Variants in RAB8B observed in about 807,000 individuals in gnomAD.
The protein encoded by RAB8B is RAB8B, member RAS oncogene family.
RAB8B carries 11 observed loss-of-function variants against 32.0 expected under a neutral mutation model. The observed-to-expected ratio is 0.34, with a 90% CI of 0.22 to 0.57. The LOEUF is 0.57. Ranked by LOEUF, RAB8B falls within the 20% of genes least tolerant of loss-of-function variation. The pLI is 0.86. For missense variants in RAB8B, 190 were observed against 258.5 expected (o/e 0.73, Z 1.82); for synonymous variants, 103 against 89.6 (o/e 1.15, Z -0.85).
rs759281817 is a variant in RAB8B at position 63,189,606 on chromosome 15, A to G, written c.-19A>G. The stretch of plus-strand genomic sequence containing the variant: ...CACCGCCTCCTCTGGCTCCCCGGTC[A>G]GAGGGCCGGAGCGAGAAGATGGCGA... On this transcript the variant is annotated 5_prime_UTR_variant, in exon 1 of 8. Coordinates refer to ENST00000321437, the MANE Select transcript of RAB8B (RefSeq NM_016530.3). 2.5e-6 allele frequency: 4 copies of G among 1,611,240 alleles called. No individual in the cohort carries two copies. Among genetic ancestry groups the G allele is most frequent in the East Asian group, 2.2e-5 (1 of 44,670 alleles).
At chr15:63,239,731 A>G (rs1463614903) in intron 1 of RAB8B, among the ~76,000 whole-genome samples, 1 of 152,210 alleles carries the variant, frequency 6.6e-6, no homozygotes, top group Non-Finnish European at 1.5e-5. Flanking sequence ...TTTTAAAGCC[A>G]TCTTTACCCT....
chr15:63,239,484 C>T (rs995271523), intron 1 of RAB8B, among the ~76,000 whole-genome samples: 11 of 148,358 alleles, frequency 7.4e-5, no homozygotes, highest in African/African-American at 7.5e-5. Flanking sequence ...GCAATCTCGG[C>T]TCACTGCAAC....
At chr15:63,204,659 A>C (rs889003396) in intron 1 of RAB8B, among the ~76,000 whole-genome samples, 1 of 152,206 alleles carries the variant, frequency 6.6e-6, no homozygotes, top group African/African-American at 2.4e-5. Context: ...AAATTACCCA[A>C]CTTGAAAGTT....
chr15:63,209,221 C>T (rs572807181), intron 1 of RAB8B, among the ~76,000 whole-genome samples: 99 of 151,742 alleles, frequency 6.5e-4, no homozygotes, highest in Middle Eastern at 6.8e-3. Context: ...TTTGCGTTGC[C>T]GAATACCATA....
At chr15:63,250,651 AAGCTGCCTTACTTCCATG>A (rs527633582) in intron 3 of RAB8B, among the ~76,000 whole-genome samples, 6 of 151,960 alleles carry the variant, frequency 3.9e-5, no homozygotes, top group Admixed American at 3.9e-4. Flanking sequence ...GGCAGCTTGG[AAGCTGCCTTACTTCCATG>A]AGCTGTGCTT....
chr15:63,193,180 TG>T (rs1452549268), intron 1 of RAB8B, among the ~76,000 whole-genome samples: 1 of 152,114 alleles, frequency 6.6e-6, no homozygotes, highest in Non-Finnish European at 1.5e-5. Context: ...CAGTAAGCTA[TG>T]ATTGCACCAC....
chr15:63,214,298 T>C (rs1482434095), intron 1 of RAB8B, among the ~76,000 whole-genome samples: 2 of 143,396 alleles, frequency 1.4e-5, no homozygotes, highest in African/African-American at 5.2e-5. Flanking sequence ...TTTTTTTTTT[T>C]TTTTTTTTTT....
chr15:63,245,692 C>T (rs1273026287), intron 2 of RAB8B, among the ~76,000 whole-genome samples: 2 of 152,192 alleles, frequency 1.3e-5, no homozygotes, highest in Non-Finnish European at 2.9e-5. Flanking sequence ...GTTAAATATC[C>T]CTTATCCAAA....
intron 3 of RAB8B, among the ~76,000 whole-genome samples, chr15:63,252,937 G>A (rs2038129063): frequency 6.6e-6 from 1 of 152,070 alleles, no homozygotes; most frequent in Non-Finnish European, 1.5e-5. Context: ...TAATAGAGAT[G>A]GGGTTTCCCC....
At chr15:63,219,448 CT>C (rs568968975) in intron 1 of RAB8B, among the ~76,000 whole-genome samples, 1,994 of 143,482 alleles carry the variant, frequency 0.014, 26 homozygotes, top group African/African-American at 0.038. Context: ...TCCAGACCAA[CT>C]TTTTTTTTTT....
intron 7 of RAB8B, 88 bp from the exon 8 acceptor site, chr15:63,263,439 G>A: frequency 2.1e-6 from 2 of 935,110 alleles, no homozygotes; most frequent in Non-Finnish European, 3.4e-6. Flanking sequence ...ATTTCACATG[G>A]TATGGTTAGT....
chr15:63,219,033 T>A (rs997451056), intron 1 of RAB8B, among the ~76,000 whole-genome samples: 2 of 131,862 alleles, frequency 1.5e-5, no homozygotes, highest in African/African-American at 2.9e-5. Context: ...TTTTTTTTTT[T>A]AGAAGGAAAG....
At position 63,262,722 on chromosome 15, in the gene RAB8B, A is replaced by T; in HGVS notation, c.511A>T (p.Thr171Ser). 6.9e-7 allele frequency: 1 copy of T among 1,456,932 alleles called. No individual in the cohort carries two copies. The highest frequency in any genetic ancestry group is 1.8e-4 in the Middle Eastern group (1 of 5,606). The allele number at this position is 1,456,932 out of a possible 1,614,324, so 90.3% of individuals were successfully genotyped here. Reference sequence around the variant, plus strand: ...TTTTACACTTGCACGAGATATAATGACAAAACTCAACAGAAAAATGGTTTG... The same window carrying T: ...TTTTACACTTGCACGAGATATAATGTCAAAACTCAACAGAAAAATGGTTTG... The part of the protein sequence containing the change: ...AFFTLARDIM[T>S]KLNRKMNDSN... The change falls in exon 7 of 8, where the codon ACA becomes TCA. Residue 171 changes from threonine (T) to serine (S), a missense_variant. Physicochemically the swap from Thr to Ser is moderately conservative, Grantham distance 58. Coordinates refer to ENST00000321437, the MANE Select transcript of RAB8B (RefSeq NM_016530.3).
chr15:63,251,557 T>G (rs1190525140), intron 3 of RAB8B, among the ~76,000 whole-genome samples: 1 of 152,156 alleles, frequency 6.6e-6, no homozygotes, highest in Non-Finnish European at 1.5e-5. Flanking sequence ...AATAATACAT[T>G]TAGATTTGAG....
intron 1 of RAB8B, among the ~76,000 whole-genome samples, chr15:63,232,598 T>C (rs1489553924): frequency 2.0e-5 from 3 of 152,210 alleles, no homozygotes; most frequent in Non-Finnish European, 2.9e-5. Flanking sequence ...TGTGTCACTG[T>C]TGACATATAT....
chr15:63,196,630 A>T (rs748671227), intron 1 of RAB8B, among the ~76,000 whole-genome samples: 1 of 152,208 alleles, frequency 6.6e-6, no homozygotes, highest in Non-Finnish European at 1.5e-5. Context: ...GGATGAAGGG[A>T]TGAATTGTGA....
At chr15:63,229,294 G>C (rs1249387692) in intron 1 of RAB8B, among the ~76,000 whole-genome samples, 1 of 152,218 alleles carries the variant, frequency 6.6e-6, no homozygotes, top group Non-Finnish European at 1.5e-5. Context: ...TTCTGCTATA[G>C]AAATAAAGGT....
intron 2 of RAB8B, among the ~76,000 whole-genome samples, chr15:63,249,142 A>T (rs1029775731): frequency 6.6e-6 from 1 of 152,188 alleles, no homozygotes; most frequent in Non-Finnish European, 1.5e-5. Context: ...ATAGCTGAAC[A>T]AGTTCTTGAG....
intron 2 of RAB8B, among the ~76,000 whole-genome samples, chr15:63,246,001 T>C (rs1269179182): frequency 6.6e-6 from 1 of 152,130 alleles, no homozygotes; most frequent in East Asian, 1.9e-4. Context: ...GCTTCCTGAG[T>C]AGCTGGGATT....
Sources: gnomAD v4.1 joint callset for allele counts (sites outside exome capture counted in the v4.1 genomes callset) on GRCh38, gnomAD v4.1.1 for gene constraint, MANE v1.5 for transcripts, NCBI Gene and HGNC (gene_info 2026-07-23, HGNC 2026-07-21) for gene names.